The following PPARGC1A variants were observed in gnomAD, a reference collection of about 807,000 sequenced individuals.
PPARGC1A encodes PPARG coactivator 1 alpha.
In PPARGC1A, 25 loss-of-function variants were observed where a neutral mutation model predicts 88.7. That is an observed-to-expected ratio of 0.28 (90% CI 0.21 to 0.39). The LOEUF (loss-of-function observed/expected upper bound fraction) is 0.39, where lower values mean the gene tolerates loss of function less well. Ranked by LOEUF, PPARGC1A falls within the 10% of genes least tolerant of loss-of-function variation. The pLI is 1.00. For missense variants in PPARGC1A, 880 were observed against 968.7 expected (o/e 0.91, Z 1.22); for synonymous variants, 363 against 355.6 (o/e 1.02, Z -0.24).
the PPARGC1A span, among the ~76,000 whole-genome samples, chr4:24,024,749 A>G: frequency 6.6e-6 from 1 of 152,224 alleles, no homozygotes; most frequent in African/African-American, 2.4e-5. Flanking sequence ...TCATCCCCAT[A>G]TAAGTGCGTA....
chr4:23,823,122 T>TAAA (rs3834209), intron 7 of PPARGC1A, among the ~76,000 whole-genome samples: 6 of 150,504 alleles, frequency 4.0e-5, no homozygotes, highest in Middle Eastern at 3.4e-3. Flanking sequence ...AATATTCCTG[T>TAAA]AAAAAAAAAC....
the PPARGC1A span, among the ~76,000 whole-genome samples, chr4:24,272,100 T>C: frequency 1.3e-5 from 2 of 152,120 alleles, no homozygotes; most frequent in Non-Finnish European, 2.9e-5. Context: ...CTTCCATGTT[T>C]TCTCCATCTC....
the PPARGC1A span, among the ~76,000 whole-genome samples, chr4:24,207,211 G>A: frequency 6.6e-6 from 1 of 152,094 alleles, no homozygotes; most frequent in Non-Finnish European, 1.5e-5. Flanking sequence ...GTTACTCAAT[G>A]GAGTTGAAAG....
At chr4:23,905,219 A>T (rs555224935), upstream of PPARGC1A, among the ~76,000 whole-genome samples, 2 of 152,250 alleles carry the variant, frequency 1.3e-5, no homozygotes, top group African/African-American at 2.4e-5. Flanking sequence ...GGATATGATC[A>T]CACTTTCAAC....
the PPARGC1A span, among the ~76,000 whole-genome samples, chr4:24,035,563 A>C: frequency 1.3e-5 from 2 of 151,624 alleles, no homozygotes; most frequent in Non-Finnish European, 2.9e-5. Context: ...AATAATAATA[A>C]ATAAAATAAA....
chr4:23,844,488 A>C (rs35890020), intron 2 of PPARGC1A, among the ~76,000 whole-genome samples: 40 of 22,652 alleles, frequency 1.8e-3, no homozygotes, highest in Admixed American at 2.2e-3. Flanking sequence ...ATATTATAAT[A>C]ATCATAATAT....
At chr4:23,947,020 C>G in the PPARGC1A span, among the ~76,000 whole-genome samples, 2 of 152,056 alleles carry the variant, frequency 1.3e-5, no homozygotes, top group Non-Finnish European at 2.9e-5. Flanking sequence ...TAATCAGCCC[C>G]TGGCTATTGA....
At chr4:23,882,526 TC>T (rs1226270116) in intron 2 of PPARGC1A, among the ~76,000 whole-genome samples, 3 of 152,068 alleles carry the variant, frequency 2.0e-5, no homozygotes, top group Non-Finnish European at 4.4e-5. Context: ...GCTCGTAGCA[TC>T]CCCTTGTCCC....
chr4:24,286,289 G>A, the PPARGC1A span, among the ~76,000 whole-genome samples: 1 of 152,140 alleles, frequency 6.6e-6, no homozygotes, highest in African/African-American at 2.4e-5. Context: ...AGAGGGAAAG[G>A]TATAGAATTA....
chr4:24,068,852 C>T, the PPARGC1A span, among the ~76,000 whole-genome samples: 3 of 152,128 alleles, frequency 2.0e-5, no homozygotes, highest in East Asian at 1.9e-4. Context: ...CATCATGGAC[C>T]CTCATGGTAC....
At chr4:24,083,991 A>T in the PPARGC1A span, among the ~76,000 whole-genome samples, 1 of 152,206 alleles carries the variant, frequency 6.6e-6, no homozygotes, top group Non-Finnish European at 1.5e-5. Context: ...TACTATCATT[A>T]TCCAAGTTTG....
the PPARGC1A span, among the ~76,000 whole-genome samples, chr4:24,162,685 A>G: frequency 6.8e-6 from 1 of 147,026 alleles, no homozygotes; most frequent in African/African-American, 2.5e-5. Context: ...TCTGCCTCCC[A>G]GGTTCAAGCA....
chr4:24,457,738 A>G, the PPARGC1A span, among the ~76,000 whole-genome samples: 1 of 151,650 alleles, frequency 6.6e-6, no homozygotes, highest in Non-Finnish European at 1.5e-5. Flanking sequence ...TTATTTATTT[A>G]TTTTTTAGTA....
intron 2 of PPARGC1A, among the ~76,000 whole-genome samples, chr4:23,879,500 G>A (rs1475167263): frequency 6.6e-6 from 1 of 152,206 alleles, no homozygotes; most frequent in African/African-American, 2.4e-5. Context: ...ACGAGGTTCT[G>A]CTTCTCTTTG....
At chr4:24,104,521 G>A in the PPARGC1A span, among the ~76,000 whole-genome samples, 2 of 152,146 alleles carry the variant, frequency 1.3e-5, no homozygotes, top group African/African-American at 2.4e-5. Flanking sequence ...AGGGAGAAGA[G>A]GGAAGCAAAG....
intron 2 of PPARGC1A, among the ~76,000 whole-genome samples, chr4:23,856,092 G>A (rs200640845): frequency 6.6e-6 from 1 of 152,158 alleles, no homozygotes; most frequent in East Asian, 1.9e-4. Flanking sequence ...GAAATGTGTT[G>A]CAATAGTTAT....
chr4:23,933,351 A>C, the PPARGC1A span, among the ~76,000 whole-genome samples: 1 of 152,242 alleles, frequency 6.6e-6, no homozygotes, highest in Non-Finnish European at 1.5e-5. Context: ...AAAGTAAGCA[A>C]ATATATCTGA....
At chr4:23,895,281 T>C (rs1405948727) in intron 1 of PPARGC1A, among the ~76,000 whole-genome samples, 1 of 151,318 alleles carries the variant, frequency 6.6e-6, no homozygotes, top group Non-Finnish European at 1.5e-5. Flanking sequence ...ATTTTGCAAA[T>C]AGTCTCAAAA....
the PPARGC1A span, among the ~76,000 whole-genome samples, chr4:24,118,183 G>T: frequency 6.6e-6 from 1 of 152,062 alleles, no homozygotes; most frequent in Non-Finnish European, 1.5e-5. Context: ...ATAACGTGCG[G>T]TCAATGAGCT....
Sources: allele counts gnomAD v4.1 joint callset (sites outside exome capture counted in the v4.1 genomes callset), GRCh38; gene constraint gnomAD v4.1.1; transcripts MANE v1.5; gene names NCBI Gene and HGNC (gene_info 2026-07-23, HGNC 2026-07-21).